The following NINL variants were observed in gnomAD, a reference collection of about 807,000 sequenced individuals.
The protein encoded by NINL is ninein like, also known as ninein-like protein.
A neutral mutation model predicts 160.3 loss-of-function variants in NINL; 153 were observed. That is an observed-to-expected ratio of 0.95 (90% CI 0.84 to 1.09). The LOEUF (loss-of-function observed/expected upper bound fraction) is 1.09. Among genes scored for constraint, NINL ranks in the 50% least tolerant of loss-of-function variants. The probability of loss-of-function intolerance (pLI) is 0.00; values close to 1 mark genes in which losing one functional copy is unlikely to be tolerated. For synonymous variants in NINL, 800 were observed against 734.8 expected (o/e 1.09, Z -1.43); for missense variants, 1,829 against 1,764.0 (o/e 1.04, Z -0.66).
intron 1 of NINL, among the ~76,000 whole-genome samples, chr20:25,569,902 C>G (rs1228489490): frequency 2.6e-5 from 4 of 152,056 alleles, no homozygotes; most frequent in Non-Finnish European, 5.9e-5. Flanking sequence ...CTAGGTACTG[C>G]AGCCGGGCGT....
intron 1 of NINL, among the ~76,000 whole-genome samples, chr20:25,585,138 T>C (rs866471380): frequency 1.5e-3 from 235 of 152,206 alleles, no homozygotes; most frequent in African/African-American, 5.2e-3. Context: ...GGCCGAGCCT[T>C]GGGGCTGTGC....
At chr20:25,522,021 T>C (rs1029619003) in intron 2 of NINL, among the ~76,000 whole-genome samples, 1 of 152,166 alleles carries the variant, frequency 6.6e-6, no homozygotes, top group East Asian at 1.9e-4. Flanking sequence ...ATCCTCCACC[T>C]TGGCCTCCTG....
chr20:25,458,250 C>T (rs1325334682), intron 22 of NINL, 133 bp downstream of exon 22: 1 of 1,233,860 alleles, frequency 8.1e-7, no homozygotes, highest in Non-Finnish European at 1.2e-6. Context: ...TACAGCCTTC[C>T]TTACCATCTG....
In NINL at chr20:25,568,346, T is replaced by C. The variant is rs2065017655; in HGVS notation, c.-12+17109A>G. On this transcript the variant is annotated intron_variant, in intron 1 of 23. Coordinates refer to ENST00000278886, the MANE Select transcript of NINL (RefSeq NM_025176.6). ...CCTATTATTTAGGAGTACTAAATAATAGGATACTATAAACTCCACACACAT... is the reference window on the plus strand; with the variant it reads ...CCTATTATTTAGGAGTACTAAATAACAGGATACTATAAACTCCACACACAT... 2.0e-5 allele frequency among the ~76,000 whole-genome samples: 3 copies of C among 151,986 alleles called. No individual in the cohort carries two copies. In the South Asian group the frequency reaches 6.2e-4, roughly 32 times the overall value.
chr20:25,545,636 A>G (rs2064722294), intron 1 of NINL, among the ~76,000 whole-genome samples: 1 of 152,220 alleles, frequency 6.6e-6, no homozygotes, highest in South Asian at 2.1e-4. Flanking sequence ...CATTAACATT[A>G]AAACAGATCT....
At chr20:25,498,618 C>CA (rs2063807112) in intron 8 of NINL, among the ~76,000 whole-genome samples, 2 of 152,222 alleles carry the variant, frequency 1.3e-5, no homozygotes, top group Non-Finnish European at 2.9e-5. Flanking sequence ...GACAAAGTGT[C>CA]AGACACAGGC....
At chr20:25,515,654 A>T (rs1268091316) in intron 3 of NINL, among the ~76,000 whole-genome samples, 2 of 152,162 alleles carry the variant, frequency 1.3e-5, no homozygotes, top group Non-Finnish European at 1.5e-5. Context: ...CCAATGGTGG[A>T]GGAAGGGCCT....
chr20:25,470,221 C>G, intron 17 of NINL, 126 bp from the exon 18 acceptor site: 1 of 715,818 alleles, frequency 1.4e-6, no homozygotes, highest in Non-Finnish European at 2.5e-6. Context: ...GAGGTGGCGC[C>G]AGACACCATT....
At chr20:25,495,031 GATAAATGGCCT>G (rs2146726477) in intron 10 of NINL, among the ~76,000 whole-genome samples, 1 of 152,284 alleles carries the variant, frequency 6.6e-6, no homozygotes, top group Non-Finnish European at 1.5e-5. Flanking sequence ...GAACAATGGG[GATAAATGGCCT>G]ATTTGGTCCC....
At chr20:25,481,056 C>A (rs1445406361) in intron 14 of NINL, among the ~76,000 whole-genome samples, 1 of 152,182 alleles carries the variant, frequency 6.6e-6, no homozygotes, top group Non-Finnish European at 1.5e-5. Context: ...GTCAGTCTCA[C>A]ATGCACAAAA....
At chr20:25,501,052 C>A in intron 7 of NINL, 42 bp from the exon 8 acceptor site, 1 of 1,592,234 alleles carries the variant, frequency 6.3e-7, no homozygotes, top group Admixed American at 1.7e-5. Flanking sequence ...GCGTCCAAAG[C>A]CTCACGCCTG....
chr20:25,577,925 C>T (rs1881213572), intron 1 of NINL, among the ~76,000 whole-genome samples: 1 of 151,748 alleles, frequency 6.6e-6, no homozygotes, highest in African/African-American at 2.4e-5. Context: ...CTCCACCTCG[C>T]AGGTTCAAGA....
At position 25,484,919 on chromosome 20, in the gene NINL, G is replaced by A. The variant is rs13037283; in HGVS notation, c.1678-2819C>T. 3.0e-3 allele frequency among the ~76,000 whole-genome samples: 461 copies of A among 152,258 alleles called. 3 individuals are homozygous for A. The highest frequency in any genetic ancestry group is 3.7e-3 in the Non-Finnish European group (255 of 68,036). On this transcript the variant is annotated intron_variant, in intron 13 of 23. Coordinates refer to ENST00000278886, the MANE Select transcript of NINL (RefSeq NM_025176.6). ...TGATTACCGAGCAGAGAAACCAGGCGACACCTCGGTTGGGAGATCAGAAGC... is the reference window on the plus strand; with the variant it reads ...TGATTACCGAGCAGAGAAACCAGGCAACACCTCGGTTGGGAGATCAGAAGC...
chr20:25,519,115 A>AT (rs2064217607), intron 2 of NINL, among the ~76,000 whole-genome samples: 1 of 151,190 alleles, frequency 6.6e-6, no homozygotes, highest in South Asian at 2.1e-4. Flanking sequence ...AAAAAAAAAA[A>AT]GGAAGTTATA....
Position 25,453,553 on chromosome 20 carries a change from C to T in NINL, c.4047G>A (p.Glu1349=), listed in dbSNP as rs751048368. The part of the protein sequence containing the change: ...HLVRALQATE[E]KQRGAEKQSR... Reference sequence around the variant, plus strand: ...TTTGTTTCTCGGCGCCTCGCTGCTTCTCCTCGGTGGCCTGAAGTGCTCTCA... The same window carrying T: ...TTTGTTTCTCGGCGCCTCGCTGCTTTTCCTCGGTGGCCTGAAGTGCTCTCA... Residue 1349 remains glutamate, a synonymous_variant, in exon 24 of 24, where the codon GAG becomes GAA. Coordinates refer to ENST00000278886, the MANE Select transcript of NINL (RefSeq NM_025176.6). 6.2e-7 allele frequency: 1 copy of T among 1,614,178 alleles called. No homozygotes were observed. The highest frequency in any genetic ancestry group is 2.2e-5 in the East Asian group (1 of 44,872).
rs1311796208 is a variant in NINL at position 25,489,114 on chromosome 20, C to T, written c.1677+130G>A. The T allele has an allele frequency of 3.3e-6, 3 of 898,714 alleles. No individual in the cohort carries two copies. The East Asian group carries it at 7.3e-5, about 22-fold the overall frequency. 55.7% of individuals were successfully genotyped at this position (898,714 alleles called of 1,614,324 possible). A position where few individuals can be genotyped will look rare whatever the true frequency, so the allele number is the denominator to read the frequency against. ...CCCTAAGTCTAGGAGTGTGGCAAGG[C>T]CATGGTCAAGCATGGCCGCAAGCAG... On this transcript the variant is annotated intron_variant, in intron 13 of 23. Transcript: ENST00000278886.
At chr20:25,471,144 C>T (rs958348575) in intron 17 of NINL, among the ~76,000 whole-genome samples, 5 of 151,954 alleles carry the variant, frequency 3.3e-5, no homozygotes, top group African/African-American at 4.8e-5. Flanking sequence ...AGTAGGCATG[C>T]GCCACCACGC....
intron 17 of NINL, among the ~76,000 whole-genome samples, chr20:25,472,163 G>C (rs2063108966): frequency 6.6e-6 from 1 of 151,618 alleles, no homozygotes; most frequent in African/African-American, 2.4e-5. Flanking sequence ...AGATTACACA[G>C]AGCTGAAAGA....
At chr20:25,584,865 C>T (rs768913849) in intron 1 of NINL, among the ~76,000 whole-genome samples, 2 of 152,250 alleles carry the variant, frequency 1.3e-5, no homozygotes, top group Non-Finnish European at 2.9e-5. Context: ...ACTGCGCGCA[C>T]AGGCGGGAGG....
Sources: allele counts gnomAD v4.1 joint callset (sites outside exome capture counted in the v4.1 genomes callset), GRCh38; gene constraint gnomAD v4.1.1; transcripts MANE v1.5; gene names NCBI Gene and HGNC (gene_info 2026-07-23, HGNC 2026-07-21).